The following LOC102723971 variants were observed in gnomAD, a reference collection of about 807,000 sequenced individuals.
chr9:135,618,442 C>T, the LOC102723971 span, among the ~76,000 whole-genome samples: 1 of 152,206 alleles, frequency 6.6e-6, no homozygotes, highest in East Asian at 1.9e-4. Flanking sequence ...GTTTGGGATT[C>T]ACTTAGAACA....
At chr9:135,618,271 G>A in the LOC102723971 span, among the ~76,000 whole-genome samples, 1 of 152,112 alleles carries the variant, frequency 6.6e-6, no homozygotes, top group Non-Finnish European at 1.5e-5. Context: ...GCTCAGAGAC[G>A]TTCGGTAACA....
At chr9:135,615,617 C>T in the LOC102723971 span, 4 of 397,744 alleles carry the variant, frequency 1.0e-5, no homozygotes, top group African/African-American at 2.1e-5. Flanking sequence ...GGCCCAAGAC[C>T]CCGCTCCAAG....
At chr9:135,618,680 G>A in the LOC102723971 span, among the ~76,000 whole-genome samples, 22 of 151,664 alleles carry the variant, frequency 1.5e-4, no homozygotes, top group African/African-American at 4.8e-4. Context: ...CAGGAGCCAA[G>A]CAGAGGAGGG....
chr9:135,616,047 A>G, the LOC102723971 span, among the ~76,000 whole-genome samples: 815 of 152,296 alleles, frequency 5.4e-3, 3 homozygotes, highest in African/African-American at 0.019. Flanking sequence ...GACACACCGC[A>G]CGGTGGCCTG....
At chr9:135,614,701 G>A in the LOC102723971 span, among the ~76,000 whole-genome samples, 2 of 152,136 alleles carry the variant, frequency 1.3e-5, no homozygotes, top group African/African-American at 4.8e-5. Flanking sequence ...AGGGTCCCAG[G>A]GGACCCAGCC....
the LOC102723971 span, among the ~76,000 whole-genome samples, chr9:135,619,540 T>C: frequency 6.6e-6 from 1 of 152,068 alleles, no homozygotes; most frequent in Non-Finnish European, 1.5e-5. Context: ...AGCAAACGCA[T>C]ATGTCCCCAC....
At chr9:135,615,754 G>A in the LOC102723971 span, among the ~76,000 whole-genome samples, 1 of 152,196 alleles carries the variant, frequency 6.6e-6, no homozygotes, top group Non-Finnish European at 1.5e-5. Context: ...TGTGAAGGAA[G>A]CCCGGGTCTG....
the LOC102723971 span, chr9:135,615,439 C>T: frequency 1.0e-5 from 4 of 398,700 alleles, no homozygotes; most frequent in Non-Finnish European, 1.8e-5. Context: ...CCCTGAGGCT[C>T]GCTCTCCACT....
the LOC102723971 span, chr9:135,615,440 G>A: frequency 4.5e-5 from 18 of 398,682 alleles, no homozygotes; most frequent in Middle Eastern, 1.2e-3. Context: ...CCTGAGGCTC[G>A]CTCTCCACTC....
chr9:135,615,455 C>T, the LOC102723971 span: 8 of 398,640 alleles, frequency 2.0e-5, no homozygotes, highest in South Asian at 1.3e-4. Flanking sequence ...CCACTCCATC[C>T]GGACCAGGGA....
the LOC102723971 span, among the ~76,000 whole-genome samples, chr9:135,618,432 G>C: frequency 3.3e-5 from 5 of 152,132 alleles, no homozygotes; most frequent in African/African-American, 1.2e-4. Flanking sequence ...TGTTCTGGGA[G>C]TTTGGGATTC....
At chr9:135,615,885 C>T in the LOC102723971 span, among the ~76,000 whole-genome samples, 1 of 152,368 alleles carries the variant, frequency 6.6e-6, no homozygotes, top group Admixed American at 6.5e-5. Flanking sequence ...CCAGGGAATC[C>T]CGAGGACGGC....
the LOC102723971 span, among the ~76,000 whole-genome samples, chr9:135,616,017 C>A: frequency 6.6e-6 from 1 of 152,216 alleles, no homozygotes; most frequent in Non-Finnish European, 1.5e-5. Context: ...GACCCACATC[C>A]TAGCAGACGC....
At chr9:135,614,559 A>G in the LOC102723971 span, among the ~76,000 whole-genome samples, 1 of 152,124 alleles carries the variant, frequency 6.6e-6, no homozygotes, top group Non-Finnish European at 1.5e-5. Context: ...ACCAGCGGCC[A>G]CTGATTAACC....
chr9:135,614,259 C>A, the LOC102723971 span: 2 of 398,696 alleles, frequency 5.0e-6, no homozygotes, highest in African/African-American at 2.1e-5. Context: ...GAGAAAGGCC[C>A]GCTCCTGCTG....
At chr9:135,616,193 C>T in the LOC102723971 span, among the ~76,000 whole-genome samples, 1 of 152,176 alleles carries the variant, frequency 6.6e-6, no homozygotes, top group Non-Finnish European at 1.5e-5. Context: ...TGTCTATGCA[C>T]AGAGCCAGAG....
chr9:135,617,001 C>G, the LOC102723971 span: 1 of 398,666 alleles, frequency 2.5e-6, no homozygotes, highest in Non-Finnish European at 4.4e-6. Context: ...GATCACCAAC[C>G]TGTGGGTGCT....
At chr9:135,615,351 C>T in the LOC102723971 span, 1 of 398,610 alleles carries the variant, frequency 2.5e-6, no homozygotes, top group Non-Finnish European at 4.4e-6. Flanking sequence ...CCCCGGCCCA[C>T]ACCCCTGCAG....
the LOC102723971 span, among the ~76,000 whole-genome samples, chr9:135,618,462 C>T: frequency 1.3e-5 from 2 of 152,150 alleles, no homozygotes; most frequent in Non-Finnish European, 2.9e-5. Context: ...AAGACAGACA[C>T]ATCATCCAGC....
Sources: allele counts gnomAD v4.1 joint callset (sites outside exome capture counted in the v4.1 genomes callset), GRCh38; gene constraint gnomAD v4.1.1; transcripts MANE v1.5.